Variants in TBPL1 observed in about 807,000 individuals in gnomAD.
TBPL1 encodes the protein TATA box-binding protein-like 1.
A neutral mutation model predicts 22.1 loss-of-function variants in TBPL1; 4 were observed. The observed-to-expected ratio is 0.18, with a 90% confidence interval of 0.09 to 0.41. The LOEUF (loss-of-function observed/expected upper bound fraction) is 0.41, where lower values mean the gene tolerates loss of function less well. Among genes scored for constraint, TBPL1 ranks in the 10% least tolerant of loss-of-function variants. The probability of loss-of-function intolerance (pLI) is 1.00; values close to 1 mark genes in which losing one functional copy is unlikely to be tolerated. For synonymous variants in TBPL1, 64 were observed against 71.0 expected (o/e 0.90, Z 0.50); for missense variants, 115 against 222.3 (o/e 0.52, Z 3.07).
intron 1 of TBPL1, among the ~76,000 whole-genome samples, chr6:133,964,427 T>C (rs2114337286): frequency 6.6e-6 from 1 of 151,858 alleles, no homozygotes; most frequent in Middle Eastern, 3.4e-3. Context: ...GTTTTTTTTG[T>C]TTTGTTTTGT....
intron 1 of TBPL1, among the ~76,000 whole-genome samples, chr6:133,972,704 GTTT>G (rs34372580): frequency 2.6e-4 from 35 of 137,242 alleles, no homozygotes; most frequent in African/African-American, 8.5e-4. Context: ...TTGTTTGTTT[GTTT>G]TTTTCCCCTC....
chr6:133,978,640 T>C (rs1776356067), intron 1 of TBPL1, among the ~76,000 whole-genome samples: 1 of 152,148 alleles, frequency 6.6e-6, no homozygotes, highest in South Asian at 2.1e-4. Context: ...TTGAGGGGAA[T>C]ATGGGAATAC....
chr6:133,963,998 G>A (rs556125373), intron 1 of TBPL1, among the ~76,000 whole-genome samples: 21 of 152,154 alleles, frequency 1.4e-4, no homozygotes, highest in Non-Finnish European at 2.8e-4. Context: ...CCGAGATCGT[G>A]ACACTGCACT....
chr6:133,965,985 A>G (rs1423477919), intron 1 of TBPL1, among the ~76,000 whole-genome samples: 3 of 152,204 alleles, frequency 2.0e-5, no homozygotes, highest in African/African-American at 7.2e-5. Context: ...CAAAGGTGTT[A>G]ACTTACCCAC....
intron 1 of TBPL1, among the ~76,000 whole-genome samples, chr6:133,955,447 A>G (rs951054506): frequency 2.6e-5 from 4 of 151,758 alleles, no homozygotes; most frequent in South Asian, 2.1e-4. Context: ...CATTTTCAAC[A>G]TGTGTCCTTC....
intron 1 of TBPL1, among the ~76,000 whole-genome samples, chr6:133,979,603 A>G (rs1776373178): frequency 6.6e-6 from 1 of 152,206 alleles, no homozygotes; most frequent in Non-Finnish European, 1.5e-5. Flanking sequence ...ATGTCATGTT[A>G]GCTTTTTTAA....
chr6:133,977,371 C>T (rs568321450), intron 1 of TBPL1, among the ~76,000 whole-genome samples: 1 of 152,182 alleles, frequency 6.6e-6, no homozygotes, highest in Non-Finnish European at 1.5e-5. Context: ...GAAAAATCAC[C>T]AATTTTGAAT....
chr6:133,952,978 C>T (rs1431531774), upstream of TBPL1, among the ~76,000 whole-genome samples: 2 of 152,132 alleles, frequency 1.3e-5, no homozygotes, highest in African/African-American at 2.4e-5. This position sits in a 1 kb window ranked among gnomAD's most constrained non-coding sequence, Gnocchi z 4.5. Context: ...GCGCCGCCCC[C>T]ATCCCACCTC....
chr6:133,959,124 C>T (rs141672671), intron 1 of TBPL1, among the ~76,000 whole-genome samples: 12 of 152,214 alleles, frequency 7.9e-5, no homozygotes, highest in Admixed American at 1.3e-4. Flanking sequence ...ATTGCAACTT[C>T]GGCTTCCCAG....
In TBPL1 at chr6:133,959,130, C is replaced by T. The variant is rs545627896; in HGVS notation, c.-45+5705C>T. On this transcript the variant is annotated intron_variant, in intron 1 of 6. Coordinates refer to ENST00000237264, the MANE Select transcript of TBPL1 (RefSeq NM_004865.4). ...TCTCAGCTCATTGCAACTTCGGCTT[C>T]CCAGGTTCAAGTGATTCTTGTGCCT... Among the ~76,000 whole-genome samples, 14 of 152,108 alleles carry T rather than the reference C, an allele frequency of 9.2e-5. No homozygotes were observed. The East Asian group carries it at 1.7e-3, about 19-fold the overall frequency.
chr6:133,968,759 CCTTGGGTTCAAG>C (rs1776167051), intron 1 of TBPL1: 1 of 152,152 alleles, frequency 6.6e-6, no homozygotes, highest in African/African-American at 2.4e-5. Context: ...CAGCCTCTGC[CCTTGGGTTCAAG>C]CAGTTCTCTT....
At chr6:133,958,755 T>C (rs118130244) in intron 1 of TBPL1, among the ~76,000 whole-genome samples, 4 of 152,112 alleles carry the variant, frequency 2.6e-5, no homozygotes, top group Non-Finnish European at 5.9e-5. Flanking sequence ...TTATAAAATA[T>C]ATACTATAGA....
At chr6:133,957,742 C>T (rs1400233211) in intron 1 of TBPL1, among the ~76,000 whole-genome samples, 1 of 152,218 alleles carries the variant, frequency 6.6e-6, no homozygotes, top group African/African-American at 2.4e-5. Flanking sequence ...TCTCACTGCC[C>T]TGAGCCCCAG....
At chr6:133,975,760 A>G (rs924503605) in intron 1 of TBPL1, among the ~76,000 whole-genome samples, 4 of 152,246 alleles carry the variant, frequency 2.6e-5, no homozygotes, top group Admixed American at 6.5e-5. Flanking sequence ...TAAGACTGCA[A>G]TTGAAAGTAG....
intron 1 of TBPL1, among the ~76,000 whole-genome samples, chr6:133,979,794 G>T (rs1484248132): frequency 6.6e-6 from 1 of 151,942 alleles, no homozygotes; most frequent in Non-Finnish European, 1.5e-5. Context: ...TTACAGACAT[G>T]CACCATCATG....
chr6:133,965,120 T>A (rs1035632585), intron 1 of TBPL1, among the ~76,000 whole-genome samples: 1 of 152,204 alleles, frequency 6.6e-6, no homozygotes, highest in African/African-American at 2.4e-5. Flanking sequence ...ACATTTACAC[T>A]TGTAAATGAA....
intron 1 of TBPL1, among the ~76,000 whole-genome samples, chr6:133,964,873 A>G (rs915286958): frequency 2.0e-5 from 3 of 152,216 alleles, no homozygotes; most frequent in African/African-American, 7.2e-5. Context: ...TATGAGGGGT[A>G]ACTCTATAAA....
rs531798193 is a variant in TBPL1 at position 133,976,553 on chromosome 6, G to A, written c.-44-3529G>A. On this transcript the variant is annotated intron_variant, in intron 1 of 6. Coordinates refer to ENST00000237264, the MANE Select transcript of TBPL1 (RefSeq NM_004865.4). ...TTTTTCTTGTTTTAATTTAAACAAA[G>A]TGGTGAGTCTGTGTTTTCAAGAATA... Among the ~76,000 whole-genome samples, 11 of 152,238 alleles carry A rather than the reference G, an allele frequency of 7.2e-5. No homozygotes were observed. In the South Asian group the frequency reaches 1.7e-3, roughly 23 times the overall value.
chr6:133,985,738 G>C (rs1205187320), intron 6 of TBPL1: 1 of 152,068 alleles, frequency 6.6e-6, no homozygotes, highest in Non-Finnish European at 1.5e-5. Flanking sequence ...AAATAATTTA[G>C]TCTCTCAACA....
Sources: allele counts gnomAD v4.1 joint callset (sites outside exome capture counted in the v4.1 genomes callset), GRCh38; gene constraint gnomAD v4.1.1; non-coding constraint Gnocchi (gnomAD v3.1); transcripts MANE v1.5; gene names NCBI Gene and HGNC (gene_info 2026-07-23, HGNC 2026-07-21).